ARHGAP26: variants seen among roughly 807,000 people sequenced by gnomAD.
ARHGAP26 encodes the protein Rho GTPase activating protein 26.
A neutral mutation model predicts 104.8 loss-of-function variants in ARHGAP26; 38 were observed. The observed-to-expected ratio is 0.36, with a 90% CI of 0.28 to 0.48. The LOEUF is 0.48. Ranked by LOEUF, ARHGAP26 falls within the 20% of genes least tolerant of loss-of-function variation. ARHGAP26 has a pLI of 0.99. For synonymous variants in ARHGAP26, 341 were observed against 340.0 expected, an observed-to-expected ratio of 1.00 and a Z score of -0.03; for missense variants, 704 against 947.9, an observed-to-expected ratio of 0.74 and a Z score of 3.38.
At chr5:143,022,209 T>C (rs1452743245) in intron 12 of ARHGAP26, among the ~76,000 whole-genome samples, 1 of 152,114 alleles carries the variant, frequency 6.6e-6, no homozygotes, top group Non-Finnish European at 1.5e-5. Context: ...GTAGCTGGGA[T>C]TACAGGTGCC....
In ARHGAP26 at chr5:142,958,496, G is replaced by A. The variant is rs566769681; in HGVS notation, c.1107+26371G>A. Among the ~76,000 whole-genome samples the A allele has an allele frequency of 6.6e-5, 10 of 152,104 alleles. No individual in the cohort carries two copies. In the East Asian group the frequency reaches 1.9e-3, roughly 29 times the overall value. The stretch of plus-strand genomic sequence containing the variant: ...AGCCTGGGCAACATAAGTAGACCCC[G>A]TCTTTACAAAATATAAAACAAATTA... On this transcript the variant is annotated intron_variant, in intron 11 of 22. Transcript: ENST00000645722.
At chr5:142,924,858 G>T (rs1344513082) in intron 10 of ARHGAP26, among the ~76,000 whole-genome samples, 11 of 152,210 alleles carry the variant, frequency 7.2e-5, no homozygotes, top group Non-Finnish European at 8.8e-5. Context: ...CTTTGTGGAT[G>T]ACCTGGAGAT....
intron 20 of ARHGAP26, among the ~76,000 whole-genome samples, chr5:143,190,509 T>G (rs187234525): frequency 6.6e-6 from 1 of 152,154 alleles, no homozygotes; most frequent in South Asian, 2.1e-4. Flanking sequence ...CCACCAAGAA[T>G]TTTATGATCA....
At chr5:143,161,065 G>A (rs931365207) in intron 20 of ARHGAP26, among the ~76,000 whole-genome samples, 8 of 143,590 alleles carry the variant, frequency 5.6e-5, no homozygotes, top group Non-Finnish European at 1.0e-4. Flanking sequence ...AGGCTGGAGT[G>A]CAGTGGAGCG....
intron 1 of ARHGAP26, among the ~76,000 whole-genome samples, chr5:142,793,072 C>G (rs770560385): frequency 6.6e-6 from 1 of 152,032 alleles, no homozygotes. Flanking sequence ...TGTAGAACAG[C>G]ATGAATCCAC....
intron 20 of ARHGAP26, among the ~76,000 whole-genome samples, chr5:143,162,648 C>T (rs1189686156): frequency 6.6e-6 from 1 of 152,222 alleles, no homozygotes; most frequent in Non-Finnish European, 1.5e-5. Context: ...CTTTCCCCTT[C>T]AGCCTCAGTG....
At chr5:143,022,234 G>A (rs1403064498) in intron 12 of ARHGAP26, among the ~76,000 whole-genome samples, 1 of 152,076 alleles carries the variant, frequency 6.6e-6, no homozygotes, top group Non-Finnish European at 1.5e-5. Flanking sequence ...ACCACACCTG[G>A]CTAATTTTTT....
chr5:143,197,009 C>G (rs1806961369), intron 20 of ARHGAP26, among the ~76,000 whole-genome samples: 2 of 152,144 alleles, frequency 1.3e-5, no homozygotes, highest in Non-Finnish European at 2.9e-5. Context: ...GTTTTGAGTT[C>G]AACTTCATTT....
chr5:142,997,372 C>A (rs1159759839), intron 11 of ARHGAP26, among the ~76,000 whole-genome samples: 1 of 152,084 alleles, frequency 6.6e-6, no homozygotes, highest in African/African-American at 2.4e-5. Context: ...CTTGTTTCAG[C>A]TGTCATACTG....
intron 1 of ARHGAP26, among the ~76,000 whole-genome samples, chr5:142,804,740 C>T (rs551502345): frequency 6.6e-6 from 1 of 152,306 alleles, no homozygotes; most frequent in South Asian, 2.1e-4. Flanking sequence ...GATCCACCTG[C>T]CTTGGCTTCC....
In ARHGAP26 at chr5:143,216,195, C is replaced by T. The variant is rs1427843722; in HGVS notation, c.2191+2107C>T. 4.2e-5 allele frequency: 20 copies of T among 471,392 alleles called. No homozygotes were observed. In the Admixed American group the frequency reaches 4.7e-4, roughly 11 times the overall value. The allele number at this position is 471,392 out of a possible 1,614,324, so 29.2% of individuals were successfully genotyped here. ...GTCCTTTTTTTCCCCAGCAGAGTGT[C>T]CTTCAGCTTCCACAGCCATCTTCAC... On this transcript the variant is annotated intron_variant, in intron 22 of 22. Coordinates refer to ENST00000645722, the MANE Select transcript of ARHGAP26 (RefSeq NM_001135608.3).
chr5:143,196,751 A>G (rs967883403), intron 20 of ARHGAP26, among the ~76,000 whole-genome samples: 1 of 152,130 alleles, frequency 6.6e-6, no homozygotes, highest in Non-Finnish European at 1.5e-5. Flanking sequence ...TCAAACAGAC[A>G]CTTGTTTACA....
intron 12 of ARHGAP26, among the ~76,000 whole-genome samples, chr5:143,034,211 G>A (rs939852948): frequency 3.3e-5 from 5 of 152,128 alleles, no homozygotes; most frequent in Admixed American, 6.6e-5. Context: ...AGTTAAGCAC[G>A]GTGTCATTCT....
chr5:143,118,983 C>T (rs1795821350), intron 17 of ARHGAP26, among the ~76,000 whole-genome samples: 1 of 151,544 alleles, frequency 6.6e-6, no homozygotes, highest in Non-Finnish European at 1.5e-5. Flanking sequence ...ACAGTGGGGC[C>T]CACTACAGGT....
intron 20 of ARHGAP26, among the ~76,000 whole-genome samples, chr5:143,166,762 AC>A (rs1802009052): frequency 6.6e-6 from 1 of 152,194 alleles, no homozygotes; most frequent in Non-Finnish European, 1.5e-5. Context: ...GAACTGGGTT[AC>A]CAACCTTTCA....
intron 1 of ARHGAP26, among the ~76,000 whole-genome samples, chr5:142,864,044 C>G (rs1753828577): frequency 6.6e-6 from 1 of 152,138 alleles, no homozygotes; most frequent in Non-Finnish European, 1.5e-5. Flanking sequence ...CCACCAGCCC[C>G]TACCGGTTTT....
intron 20 of ARHGAP26, among the ~76,000 whole-genome samples, chr5:143,191,431 G>T (rs983394548): frequency 6.6e-6 from 1 of 152,106 alleles, no homozygotes; most frequent in African/African-American, 2.4e-5. Context: ...TTACAAGAGG[G>T]TATAAAAGGA....
At chr5:142,870,086 A>G (rs1222617898) in intron 1 of ARHGAP26, among the ~76,000 whole-genome samples, 5 of 152,176 alleles carry the variant, frequency 3.3e-5, no homozygotes, top group Non-Finnish European at 7.3e-5. Flanking sequence ...AGTAAATATT[A>G]TTGACTCTGC....
chr5:142,878,738 T>A (rs780811984), intron 3 of ARHGAP26, among the ~76,000 whole-genome samples: 1 of 152,190 alleles, frequency 6.6e-6, no homozygotes, highest in Non-Finnish European at 1.5e-5. Context: ...AATAGCCAAA[T>A]GCTACGGCCC....
Sources: allele counts gnomAD v4.1 joint callset (sites outside exome capture counted in the v4.1 genomes callset), GRCh38; gene constraint gnomAD v4.1.1; transcripts MANE v1.5; gene names NCBI Gene and HGNC (gene_info 2026-07-23, HGNC 2026-07-21).